Variants in EPPK1 observed in about 807,000 individuals in gnomAD.
The protein encoded by EPPK1 is epiplakin 1, also known as epiplakin.
For synonymous variants in EPPK1, 1,862 were observed against 1,721.2 expected (o/e 1.08, Z -2.03); for missense variants, 3,823 against 3,673.3 (o/e 1.04, Z -1.05).
chr8:143,866,728 C>G lies in EPPK1; in HGVS notation c.6526G>C (p.Gly2176Arg), dbSNP rs782414927. The change falls in exon 2 of 2, where the codon GGA (glycine) becomes CGA (arginine). Residue 2176 changes from glycine (G) to arginine (R), a missense_variant. Physicochemically the swap from Gly to Arg is moderately radical, Grantham distance 125. Transcript: ENST00000615648. Reference sequence around the variant, plus strand: ...GAAGCTGTGATCTGTCGTCTAATTCCTTGGAACCACAGGTGTTTGTTGCTG... The same window carrying G: ...GAAGCTGTGATCTGTCGTCTAATTCGTTGGAACCACAGGTGTTTGTTGCTG... ...ETSNKHLWFQ[G>R]IRRQITASEL... The G allele has an allele frequency of 6.2e-7, 1 of 1,613,472 alleles. No individual in the cohort carries two copies. Among genetic ancestry groups the G allele is most frequent in the Non-Finnish European group, 8.5e-7 (1 of 1,179,868 alleles).
chr8:143,868,991 G>C lies in EPPK1; in HGVS notation c.4263C>G (p.Cys1421Trp). The C allele has an allele frequency of 6.2e-7, 1 of 1,610,156 alleles. No individual in the cohort carries two copies. The highest frequency in any genetic ancestry group is 8.5e-7 in the Non-Finnish European group (1 of 1,179,840). The part of the protein sequence containing the change: ...QVTYQQLRER[C>W]VCDSETGLLL... ...ACAATCCGGTCTCGGAGTCGCACAC[G>C]CAGCGCTCCCTGAGCTGCTGGTAGG... The change falls in exon 2 of 2, where the codon TGC becomes TGG. Residue 1421 changes from cysteine to tryptophan, a missense_variant. Transcript: ENST00000615648.
At position 143,869,061 on chromosome 8, in the gene EPPK1, T is replaced by G; in HGVS notation, c.4193A>C (p.Lys1398Thr). 2 of 1,609,012 alleles carry G rather than the reference T, an allele frequency of 1.2e-6. No homozygotes were observed. The highest frequency in any genetic ancestry group is 2.2e-5 in the South Asian group (2 of 91,082). Residue 1398 changes from lysine to threonine, a missense_variant, in exon 2 of 2, where the codon AAG (lysine) becomes ACG (threonine). Physicochemically the swap from Lys to Thr is moderately conservative, Grantham distance 78. Transcript: ENST00000615648. ...GGGGTCAAAGAAGAACTTGTTGTCC[T>G]TGTCAACTGCAGTCAGCACCTGGCT... ...QTSQVLTAVD[K>T]DNKFFFDPSA...
intron 1 of EPPK1, among the ~76,000 whole-genome samples, 199 bp downstream of exon 1, chr8:143,878,239 C>T (rs1218356683): frequency 1.3e-5 from 2 of 151,888 alleles, no homozygotes; most frequent in Non-Finnish European, 2.9e-5. Flanking sequence ...GGAAACCTGC[C>T]CGGCCAGAGC....
chr8:143,871,182 T>A lies in EPPK1; in HGVS notation c.2072A>T (p.Tyr691Phe), dbSNP rs782731105. 1 of 1,613,164 alleles carries A rather than the reference T, an allele frequency of 6.2e-7. No homozygotes were observed. The highest frequency in any genetic ancestry group is 1.7e-5 in the Admixed American group (1 of 60,026). ...LLSAERAVTGYTDPYTGQQIS... is the reference protein window; with the variant it reads ...LLSAERAVTGFTDPYTGQQIS... Reference sequence around the variant, plus strand: ...CTGCTGCCCGGTGTAGGGGTCAGTGTAGCCAGTGACAGCGCGCTCAGCCGA... The same window carrying A: ...CTGCTGCCCGGTGTAGGGGTCAGTGAAGCCAGTGACAGCGCGCTCAGCCGA... Residue 691 changes from tyrosine to phenylalanine, a missense_variant, in exon 2 of 2, where the codon TAC becomes TTC. Coordinates refer to ENST00000615648, the MANE Select transcript of EPPK1 (RefSeq NM_031308.4).
rs782495364 is a variant in EPPK1 at position 143,867,648 on chromosome 8, G to A, written c.5606C>T (p.Thr1869Ile). 7 of 1,613,314 alleles carry A rather than the reference G, an allele frequency of 4.3e-6. No homozygotes were observed. The highest frequency in any genetic ancestry group is 2.2e-5 in the East Asian group (1 of 44,890). The change falls in exon 2 of 2, where the codon ACC becomes ATC. Residue 1869 changes from threonine (T) to isoleucine (I), a missense_variant. Transcript: ENST00000615648. ...LFNSRVIDQKTLHTLRVGRTG... is the reference protein window; with the variant it reads ...LFNSRVIDQKILHTLRVGRTG... Reference sequence around the variant, plus strand: ...CCTCCCCACACGAAGTGTGTGCAGGGTCTTCTGATCGATGACCCTGGAGTT... The same window carrying A: ...CCTCCCCACACGAAGTGTGTGCAGGATCTTCTGATCGATGACCCTGGAGTT...
At chr8:143,874,130 C>G (rs1353320143) in intron 1 of EPPK1, among the ~76,000 whole-genome samples, 1 of 152,200 alleles carries the variant, frequency 6.6e-6, no homozygotes, top group African/African-American at 2.4e-5. Context: ...GTCTCTCCCC[C>G]ATGGGCCCTG....
intron 1 of EPPK1, among the ~76,000 whole-genome samples, chr8:143,875,212 C>T (rs1351667386): frequency 5.3e-5 from 8 of 152,166 alleles, no homozygotes; most frequent in African/African-American, 1.9e-4. Context: ...CCTCCCCATC[C>T]CCTCTCCCCA....
chr8:143,878,260 G>A (rs539797700), intron 1 of EPPK1, among the ~76,000 whole-genome samples, 178 bp downstream of exon 1: 3 of 151,390 alleles, frequency 2.0e-5, no homozygotes, highest in Non-Finnish European at 4.4e-5. Context: ...CCAAGACCCC[G>A]CTGGCCGCCG....
intron 1 of EPPK1, among the ~76,000 whole-genome samples, chr8:143,877,332 G>A (rs1198686201): frequency 6.6e-6 from 1 of 152,210 alleles, no homozygotes; most frequent in Non-Finnish European, 1.5e-5. Flanking sequence ...GGAGCGAGGG[G>A]GGGCAGGGGG....
Position 143,867,273 on chromosome 8 carries a change from T to C in EPPK1, c.5981A>G (p.Gln1994Arg). The change falls in exon 2 of 2, where the codon CAG (glutamine) becomes CGG (arginine). Residue 1994 changes from glutamine (Q) to arginine (R), a missense_variant. Physicochemically the swap from Gln to Arg is conservative, Grantham distance 43 (BLOSUM62 1). Coordinates refer to ENST00000615648, the MANE Select transcript of EPPK1 (RefSeq NM_031308.4). ...GDTIPLFQAMQKQLIEKAEAL... is the reference protein window; with the variant it reads ...GDTIPLFQAMRKQLIEKAEAL... The stretch of plus-strand genomic sequence containing the variant: ...CTCCGCCTTCTCGATGAGCTGCTTC[T>C]GCATGGCCTGGAACAGCGGGATCGT... 1 of 1,612,486 alleles carries C rather than the reference T, an allele frequency of 6.2e-7. No homozygotes were observed. The highest frequency in any genetic ancestry group is 8.5e-7 in the Non-Finnish European group (1 of 1,179,658).
At chr8:143,875,213 CCT>C (rs1311700410) in intron 1 of EPPK1, among the ~76,000 whole-genome samples, 2 of 152,206 alleles carry the variant, frequency 1.3e-5, no homozygotes, top group African/African-American at 4.8e-5. Flanking sequence ...CTCCCCATCC[CCT>C]CTCCCCATGT....
At chr8:143,878,413 G>GCACCCGCCGCACCCGCCGCACCTGC (rs1819529638) in intron 1 of EPPK1, 25 bp downstream of exon 1, 1 of 92,146 alleles carries the variant, frequency 1.1e-5, no homozygotes, top group African/African-American at 4.7e-5. Context: ...CGCCGCACCC[G>GCACCCGCCGCACCCGCCGCACCTGC]CCGCACCCGC....
chr8:143,870,555 T>C lies in EPPK1; in HGVS notation c.2699A>G (p.Gln900Arg), dbSNP rs2130641340. 6.2e-7 allele frequency: 1 copy of C among 1,611,822 alleles called. No individual in the cohort carries two copies. The highest frequency in any genetic ancestry group is 1.1e-5 in the South Asian group (1 of 91,018). The change falls in exon 2 of 2, where the codon CAG (glutamine) becomes CGG (arginine). Residue 900 changes from glutamine (Q) to arginine (R), a missense_variant. By Grantham distance (43) the Gln-to-Arg change is conservative. Coordinates refer to ENST00000615648, the MANE Select transcript of EPPK1 (RefSeq NM_031308.4). The surrounding 1 kb of genome is among the most constrained non-coding windows in gnomAD (Gnocchi z 5.2). The stretch of plus-strand genomic sequence containing the variant: ...GGCCAGCACTTGGTCCAACAGCTGC[T>C]GGTCAATGATACCGGCCTCCAGGAG... ...HQLLEAGIIDQQLLDQVLAGT... is the reference protein window; with the variant it reads ...HQLLEAGIIDRQLLDQVLAGT...
chr8:143,872,990 G>A lies in EPPK1; in HGVS notation c.264C>T (p.Ala88=). The A allele has an allele frequency of 6.3e-7, 1 of 1,585,092 alleles. No homozygotes were observed. Among genetic ancestry groups the A allele is most frequent in the Non-Finnish European group, 8.6e-7 (1 of 1,164,624 alleles). The part of the protein sequence containing the change: ...QAATGGLVDL[A]RGQLLPVSKA... ...TGGACACAGGGAGCAGCTGGCCCCGGGCGAGGTCCACCAGGCCCCCAGTGG... is the reference window on the plus strand; with the variant it reads ...TGGACACAGGGAGCAGCTGGCCCCGAGCGAGGTCCACCAGGCCCCCAGTGG... The change falls in exon 2 of 2, where the codon GCC becomes GCT. Residue 88 remains alanine, a synonymous_variant. Coordinates refer to ENST00000615648, the MANE Select transcript of EPPK1 (RefSeq NM_031308.4).
In EPPK1 at chr8:143,868,973, G is replaced by A. The variant is rs781984540; in HGVS notation, c.4281C>T (p.Thr1427=). 21 of 1,610,242 alleles carry A rather than the reference G, an allele frequency of 1.3e-5. No homozygotes were observed. The highest frequency in any genetic ancestry group is 3.3e-4 in the Middle Eastern group (2 of 6,084). Residue 1427 remains threonine, a synonymous_variant, in exon 2 of 2, where the codon ACC becomes ACT. Transcript: ENST00000615648. ...LRERCVCDSE[T]GLLLLPLPSD... The stretch of plus-strand genomic sequence containing the variant: ...AGGGCAGTGGCAACAGCAACAATCC[G>A]GTCTCGGAGTCGCACACGCAGCGCT...
rs1554661086 is a variant in EPPK1 at position 143,871,283 on chromosome 8, T to A, written c.1971A>T (p.Lys657Asn). The A allele has an allele frequency of 1.2e-6, 2 of 1,612,758 alleles. No homozygotes were observed. Among genetic ancestry groups the A allele is most frequent in the Non-Finnish European group, 1.7e-6 (2 of 1,179,774 alleles). Residue 657 changes from lysine to asparagine, a missense_variant, in exon 2 of 2, where the codon AAA becomes AAT. Coordinates refer to ENST00000615648, the MANE Select transcript of EPPK1 (RefSeq NM_031308.4). The stretch of plus-strand genomic sequence containing the variant: ...CCTCAACGGAGTGCCCCTTGTTTGC[T>A]TTTGGGTCGATGATGAAGCCTGTGG... The part of the protein sequence containing the change: ...QAATGFIIDP[K>N]ANKGHSVEEA...
Position 143,872,805 on chromosome 8 carries a change from C to A in EPPK1, c.449G>T (p.Trp150Leu). The A allele has an allele frequency of 6.4e-7, 1 of 1,565,118 alleles. No individual in the cohort carries two copies. Among genetic ancestry groups the A allele is most frequent in the South Asian group, 1.2e-5 (1 of 83,984 alleles). Residue 150 changes from tryptophan (W) to leucine (L), a missense_variant, in exon 2 of 2, where the codon TGG becomes TTG. Physicochemically the swap from Trp to Leu is moderately conservative, Grantham distance 61. Transcript: ENST00000615648. ...EVVDRALGQSWLEVQLATGGL... is the reference protein window; with the variant it reads ...EVVDRALGQSLLEVQLATGGL... ...CCCAGTGGCCAGTTGGACCTCCAGC[C>A]AGCTCTGCCCCAGGGCCCTGTCCAC...
chr8:143,866,921 T>G lies in EPPK1; in HGVS notation c.6333A>C (p.Thr2111=), dbSNP rs782181719. The part of the protein sequence containing the change: ...RALEAEQVEI[T]VGRFRGQKPT... ...GTTTCTGGCCTCTGAACCTTCCCAC[T>G]GTGATTTCCACTTGCTCTGCCTCCA... Residue 2111 remains threonine (T), a synonymous_variant, in exon 2 of 2, where the codon ACA becomes ACC. Transcript: ENST00000615648. 14 of 1,613,014 alleles carry G rather than the reference T, an allele frequency of 8.7e-6. No individual in the cohort carries two copies. The highest frequency in any genetic ancestry group is 1.7e-5 in the Admixed American group (1 of 60,028).
rs782734320 is a variant in EPPK1 at position 143,867,223 on chromosome 8, C to A, written c.6031G>T (p.Val2011Leu). 4.8e-5 allele frequency: 78 copies of A among 1,612,642 alleles called. No homozygotes were observed. Among genetic ancestry groups the A allele is most frequent in the Non-Finnish European group, 6.5e-5 (77 of 1,179,838 alleles). ...GGGTCGATGACACCCCCCGTGGCCACCTGCACCTCCAGCAGCCTCAGTGCC... is the reference window on the plus strand; with the variant it reads ...GGGTCGATGACACCCCCCGTGGCCAACTGCACCTCCAGCAGCCTCAGTGCC... Reference protein sequence around the residue: ...AEALRLLEVQVATGGVIDPQH... With the variant: ...AEALRLLEVQLATGGVIDPQH... Residue 2011 changes from valine to leucine, a missense_variant, in exon 2 of 2, where the codon GTG becomes TTG. By Grantham distance (32) the Val-to-Leu change is conservative. Coordinates refer to ENST00000615648, the MANE Select transcript of EPPK1 (RefSeq NM_031308.4).
Sources: allele counts gnomAD v4.1 joint callset (sites outside exome capture counted in the v4.1 genomes callset), GRCh38; gene constraint gnomAD v4.1.1; non-coding constraint Gnocchi (gnomAD v3.1); transcripts MANE v1.5; gene names NCBI Gene and HGNC (gene_info 2026-07-23, HGNC 2026-07-21).